Variants in RASEF observed in about 807,000 individuals in gnomAD.
RASEF encodes RAS and EF-hand domain containing, also known as ras and EF-hand domain-containing protein.
Under a neutral mutation model 90.1 loss-of-function variants are expected in RASEF, and 68 were observed. The observed-to-expected ratio is 0.75, with a 90% confidence interval of 0.62 to 0.92. The LOEUF (loss-of-function observed/expected upper bound fraction) is 0.92. Among genes scored for constraint, RASEF ranks in the 40% least tolerant of loss-of-function variants. The pLI is 0.00. For missense variants in RASEF, 949 were observed against 937.2 expected (o/e 1.01, Z -0.16); for synonymous variants, 331 against 345.2 (o/e 0.96, Z 0.46).
Position 83,062,921 on chromosome 9 carries a change from C to T in RASEF, c.-54G>A. 2 of 1,379,806 alleles carry T rather than the reference C, an allele frequency of 1.4e-6. No homozygotes were observed. The highest frequency in any genetic ancestry group is 1.9e-6 in the Non-Finnish European group (2 of 1,077,252). The allele number at this position is 1,379,806 out of a possible 1,614,324, so 85.5% of individuals were successfully genotyped here. ...TCCGGAGCGCCGCGGGGCGCAGGGC[C>T]CTCCCTGGAAGGACGGGGCCACCTG... On this transcript the variant is annotated 5_prime_UTR_variant, in exon 1 of 17. Coordinates refer to ENST00000376447, the MANE Select transcript of RASEF (RefSeq NM_152573.4).
chr9:82,983,030 C>T (rs1373544379), intron 16 of RASEF, among the ~76,000 whole-genome samples: 3 of 151,650 alleles, frequency 2.0e-5, no homozygotes, highest in Admixed American at 2.0e-4. Context: ...TAAGACAGTT[C>T]CCTTAGGTCA....
chr9:83,163,502 G>A, the RASEF span, among the ~76,000 whole-genome samples: 321 of 152,118 alleles, frequency 2.1e-3, 2 homozygotes, highest in African/African-American at 7.5e-3. Context: ...AAGAACCAAT[G>A]GGCAACATAA....
chr9:83,152,085 AT>A, the RASEF span, among the ~76,000 whole-genome samples: 1 of 152,122 alleles, frequency 6.6e-6, no homozygotes, highest in African/African-American at 2.4e-5. Flanking sequence ...ACAGGACTGA[AT>A]TTTATGCCTT....
At chr9:82,991,114 A>G (rs2118390249) in intron 15 of RASEF, among the ~76,000 whole-genome samples, 1 of 151,952 alleles carries the variant, frequency 6.6e-6, no homozygotes, top group South Asian at 2.1e-4. Context: ...CACCTCACTC[A>G]TCCCCCACTC....
chr9:83,135,314 AG>A, the RASEF span, among the ~76,000 whole-genome samples: 1 of 151,990 alleles, frequency 6.6e-6, no homozygotes, highest in Non-Finnish European at 1.5e-5. Flanking sequence ...ACTTGGACAC[AG>A]GAAGGGGAAC....
chr9:83,170,270 G>A, the RASEF span, among the ~76,000 whole-genome samples: 3 of 151,948 alleles, frequency 2.0e-5, no homozygotes, highest in East Asian at 1.9e-4. Context: ...TTTCTATTCT[G>A]TTGCATTGGT....
At chr9:83,017,257 G>A (rs943767621) in intron 3 of RASEF, among the ~76,000 whole-genome samples, 16 of 151,722 alleles carry the variant, frequency 1.1e-4, no homozygotes, top group African/African-American at 3.1e-4. Context: ...AGGCCGAGGC[G>A]GGTGGATCAC....
intron 16 of RASEF, among the ~76,000 whole-genome samples, chr9:82,986,336 G>T (rs1241447040): frequency 6.6e-6 from 1 of 152,122 alleles, no homozygotes; most frequent in African/African-American, 2.4e-5. Flanking sequence ...GCCTCTATCA[G>T]CTACGTACCA....
Position 82,984,685 on chromosome 9 carries a change from T to C in RASEF, c.2118-1903A>G, listed in dbSNP as rs538233881. Reference sequence around the variant, plus strand: ...CATTTCAGGTTTCTGACCTCCAAAATTGTCAGATAATAAATTTGCATTATT... The same window carrying C: ...CATTTCAGGTTTCTGACCTCCAAAACTGTCAGATAATAAATTTGCATTATT... On this transcript the variant is annotated intron_variant, in intron 16 of 16. Coordinates refer to ENST00000376447, the MANE Select transcript of RASEF (RefSeq NM_152573.4). Among the ~76,000 whole-genome samples, 6 of 152,248 alleles carry C rather than the reference T, an allele frequency of 3.9e-5. No individual in the cohort carries two copies. In the South Asian group the frequency reaches 1.0e-3, roughly 26 times the overall value.
chr9:83,188,104 T>A, the RASEF span, among the ~76,000 whole-genome samples: 1 of 152,244 alleles, frequency 6.6e-6, no homozygotes, highest in Non-Finnish European at 1.5e-5. Flanking sequence ...ATTGCCATTA[T>A]ACTTGTGCCT....
the RASEF span, among the ~76,000 whole-genome samples, chr9:83,152,239 C>T: frequency 2.0e-5 from 3 of 152,136 alleles, no homozygotes. Flanking sequence ...AAATGTGTGG[C>T]CTTAATCAAA....
At chr9:83,196,662 T>C in the RASEF span, among the ~76,000 whole-genome samples, 1 of 152,240 alleles carries the variant, frequency 6.6e-6, no homozygotes, top group South Asian at 2.1e-4. Flanking sequence ...TAACCACAGC[T>C]GTGCTGCTGC....
At position 83,011,565 on chromosome 9, in the gene RASEF, A is replaced by AAAC; in HGVS notation, c.843+868_843+869insGTT. On this transcript the variant is annotated intron_variant, in intron 5 of 16. Coordinates refer to ENST00000376447, the MANE Select transcript of RASEF (RefSeq NM_152573.4). ...GACTCCATCTCAAAAAAAAAAAAAA[A>AAAC]AAAAAAAAAAACTGAAATTTTATAG... Among the ~76,000 whole-genome samples, 2 of 150,558 alleles carry AAAC rather than the reference A, an allele frequency of 1.3e-5. 1 individual carries two copies. The highest frequency in any genetic ancestry group is 3.0e-5 in the Non-Finnish European group (2 of 67,556).
the RASEF span, among the ~76,000 whole-genome samples, chr9:83,211,931 C>T: frequency 6.6e-6 from 1 of 152,120 alleles, no homozygotes; most frequent in Non-Finnish European, 1.5e-5. Context: ...GACCCATTGT[C>T]AGGAAATTGT....
intron 16 of RASEF, among the ~76,000 whole-genome samples, chr9:82,989,961 T>C (rs1396680520): frequency 6.6e-6 from 1 of 152,270 alleles, no homozygotes; most frequent in Non-Finnish European, 1.5e-5. Context: ...CTTAGCTTAA[T>C]AATTACCTGG....
chr9:82,991,890 T>A (rs1828821965), intron 15 of RASEF, among the ~76,000 whole-genome samples: 1 of 152,228 alleles, frequency 6.6e-6, no homozygotes, highest in South Asian at 2.1e-4. Flanking sequence ...GAGTTTAACA[T>A]CTGTCTCCCT....
chr9:83,015,900 C>T lies in RASEF; in HGVS notation c.670G>A (p.Glu224Lys). 1.2e-6 allele frequency: 2 copies of T among 1,609,614 alleles called. No homozygotes were observed. The highest frequency in any genetic ancestry group is 1.7e-6 in the Non-Finnish European group (2 of 1,177,810). The change falls in exon 4 of 17, where the codon GAA becomes AAA. Residue 224 changes from glutamate (E) to lysine (K), a missense_variant and splice_region_variant. Physicochemically the swap from Glu to Lys is moderately conservative, Grantham distance 56 (BLOSUM62 1). Transcript: ENST00000376447. ...AGGGCTTCCTCAGCTTTGCGTTTTT[C>T]CTAAAAGAAAAAAAAATATGTTGTT... ...QAAEHKTRKD[E>K]KRKAEEALSD...
chr9:83,154,523 G>A, the RASEF span, among the ~76,000 whole-genome samples: 1 of 152,074 alleles, frequency 6.6e-6, no homozygotes, highest in Non-Finnish European at 1.5e-5. Context: ...CAAGAAGCTA[G>A]TCTCCTCCCC....
At chr9:83,169,954 T>C in the RASEF span, among the ~76,000 whole-genome samples, 8 of 152,218 alleles carry the variant, frequency 5.3e-5, no homozygotes, top group South Asian at 1.7e-3. Flanking sequence ...TGTCATTTTT[T>C]TCTTTTGTTG....
Sources: gnomAD v4.1 joint callset for allele counts (sites outside exome capture counted in the v4.1 genomes callset) on GRCh38, gnomAD v4.1.1 for gene constraint, MANE v1.5 for transcripts, NCBI Gene and HGNC (gene_info 2026-07-23, HGNC 2026-07-21) for gene names.